The following CYP2C19 variants were observed in gnomAD, a reference collection of about 807,000 sequenced individuals.
CYP2C19 encodes the protein cytochrome P450 family 2 subfamily C member 19.
CYP2C19 carries 59 observed loss-of-function variants against 40.9 expected under a neutral mutation model. The ratio of observed to expected loss-of-function variants is 1.44; its 90% CI spans 1.17 to 1.79. The LOEUF (loss-of-function observed/expected upper bound fraction) is 1.79. Ranked by LOEUF, CYP2C19 falls within the 40% of genes most tolerant of loss-of-function variation. The pLI, the probability that CYP2C19 is intolerant of heterozygous loss-of-function variation, is 0.00. For synonymous variants in CYP2C19, 253 were observed against 208.7 expected, an observed-to-expected ratio of 1.21 and a Z score of -1.83; for missense variants, 754 against 596.9, an observed-to-expected ratio of 1.26 and a Z score of -2.74.
In CYP2C19 at chr10:94,854,094, C is replaced by T. The variant is rs184709061; in HGVS notation, c.*1180C>T. ...AGTGCAATGGTGCGATCTCGGCTCA[C>T]TGCAATCTCCACCTCCTGGATTCAA... is the stretch of plus-strand genomic sequence containing the variant. On this transcript the variant is annotated 3_prime_UTR_variant, in exon 9 of 9. Transcript: ENST00000371321. Among the ~76,000 whole-genome samples the T allele has an allele frequency of 3.6e-3, 513 of 144,214 alleles. 2 individuals carry two copies. The highest frequency in any genetic ancestry group is 0.013 in the African/African-American group (497 of 38,822). 94.6% of individuals were successfully genotyped at this position (144,214 alleles called of 152,430 possible).
intron 5 of CYP2C19, among the ~76,000 whole-genome samples, chr10:94,802,257 T>C (rs939224194): frequency 2.0e-5 from 3 of 152,186 alleles, no homozygotes; most frequent in Non-Finnish European, 4.4e-5. Flanking sequence ...TACAATCCTT[T>C]TGTAAAACAG....
intron 1 of CYP2C19, among the ~76,000 whole-genome samples, chr10:94,771,222 G>A (rs1284590665): frequency 6.6e-6 from 1 of 152,032 alleles, no homozygotes; most frequent in Non-Finnish European, 1.5e-5. Flanking sequence ...GATAGCCCGG[G>A]GTTTTTTGTG....
At chr10:94,821,428 G>A (rs1379862914) in intron 6 of CYP2C19, among the ~76,000 whole-genome samples, 1 of 152,122 alleles carries the variant, frequency 6.6e-6, no homozygotes, top group Non-Finnish European at 1.5e-5. Flanking sequence ...ATGTAGTGAG[G>A]CTGCCTGAAA....
chr10:94,814,118 T>A (rs1029760536), intron 5 of CYP2C19, among the ~76,000 whole-genome samples: 1 of 151,242 alleles, frequency 6.6e-6, no homozygotes, highest in Non-Finnish European at 1.5e-5. Flanking sequence ...CTGCACCTAC[T>A]GTCTAAACAT....
At chr10:94,797,581 A>C (rs1848706935) in intron 5 of CYP2C19, among the ~76,000 whole-genome samples, 1 of 151,562 alleles carries the variant, frequency 6.6e-6, no homozygotes, top group Admixed American at 6.6e-5. Flanking sequence ...TCCTCTTGGT[A>C]CCTCTGGTAG....
chr10:94,763,879 C>A (rs988847473), intron 1 of CYP2C19, among the ~76,000 whole-genome samples: 1 of 152,026 alleles, frequency 6.6e-6, no homozygotes, highest in Non-Finnish European at 1.5e-5. Flanking sequence ...GATATTGTGC[C>A]AGAGTTTGTT....
chr10:94,850,128 T>A, intron 8 of CYP2C19, 70 bp downstream of exon 8: 1 of 1,554,724 alleles, frequency 6.4e-7, no homozygotes, highest in Non-Finnish European at 8.9e-7. Flanking sequence ...GGAACTTACA[T>A]GTGCCTTCTC....
intron 6 of CYP2C19, among the ~76,000 whole-genome samples, chr10:94,828,840 T>G (rs58532220): frequency 0.012 from 1,836 of 151,786 alleles, 55 homozygotes; most frequent in African/African-American, 0.043. Flanking sequence ...CCTTCAGGAG[T>G]TCTTGTAAGG....
intron 5 of CYP2C19, among the ~76,000 whole-genome samples, chr10:94,799,177 A>G (rs560755753): frequency 6.6e-6 from 1 of 151,780 alleles, no homozygotes; most frequent in South Asian, 2.1e-4. Context: ...TTCCTTCAGG[A>G]GCTCTTGTAA....
At chr10:94,844,363 T>G (rs1849541842) in intron 7 of CYP2C19, among the ~76,000 whole-genome samples, 1 of 152,198 alleles carries the variant, frequency 6.6e-6, no homozygotes, top group African/African-American at 2.4e-5. Context: ...TTGTACATAA[T>G]GTGAACCCAG....
intron 5 of CYP2C19, among the ~76,000 whole-genome samples, chr10:94,795,026 T>G (rs968944818): frequency 1.3e-5 from 2 of 151,918 alleles, no homozygotes; most frequent in African/African-American, 4.8e-5. Flanking sequence ...TTTTTATACT[T>G]TAAGTTGTAG....
chr10:94,782,570 G>T (rs1282905409), intron 5 of CYP2C19, among the ~76,000 whole-genome samples: 2 of 152,084 alleles, frequency 1.3e-5, no homozygotes, highest in South Asian at 4.1e-4. Context: ...CAAGGATCTA[G>T]AACTAGAAAT....
At chr10:94,835,864 A>G (rs1034778196) in intron 6 of CYP2C19, among the ~76,000 whole-genome samples, 4 of 152,092 alleles carry the variant, frequency 2.6e-5, no homozygotes, top group African/African-American at 9.7e-5. Context: ...TGGTGTGAGG[A>G]GATTACTTTC....
intron 5 of CYP2C19, among the ~76,000 whole-genome samples, chr10:94,812,099 G>A (rs756307159): frequency 6.6e-6 from 1 of 152,156 alleles, no homozygotes; most frequent in South Asian, 2.1e-4. Flanking sequence ...GCATTTGCTT[G>A]TCTGTAAAGG....
chr10:94,796,165 T>G (rs1848683159), intron 5 of CYP2C19, among the ~76,000 whole-genome samples: 1 of 152,184 alleles, frequency 6.6e-6, no homozygotes, highest in Non-Finnish European at 1.5e-5. Flanking sequence ...CATCTTGAAT[T>G]AATTTTTGTA....
At chr10:94,822,791 C>T (rs758647810) in intron 6 of CYP2C19, among the ~76,000 whole-genome samples, 13 of 151,908 alleles carry the variant, frequency 8.6e-5, no homozygotes, top group Admixed American at 1.3e-4. Flanking sequence ...TGAGATGGTA[C>T]CTCCTTGTGA....
At position 94,854,139 on chromosome 10, in the gene CYP2C19, C is replaced by A. The variant is rs889117388; in HGVS notation, c.*1225C>A. Among the ~76,000 whole-genome samples the A allele has an allele frequency of 6.6e-6, 1 of 151,944 alleles. No homozygotes were observed. The highest frequency in any genetic ancestry group is 2.4e-5 in the African/African-American group (1 of 41,362). On this transcript the variant is annotated 3_prime_UTR_variant, in exon 9 of 9. Coordinates refer to ENST00000371321, the MANE Select transcript of CYP2C19 (RefSeq NM_000769.4). Reference sequence around the variant, plus strand: ...ATTCAAGTGGTTCTCCTGCCTCAGCCCCCCAAGTAGCTGGGATTACAGGTG... The same window carrying A: ...ATTCAAGTGGTTCTCCTGCCTCAGCACCCCAAGTAGCTGGGATTACAGGTG...
chr10:94,818,361 T>C (rs1418431408), intron 5 of CYP2C19, among the ~76,000 whole-genome samples: 1 of 151,866 alleles, frequency 6.6e-6, no homozygotes, highest in African/African-American at 2.4e-5. Context: ...TAGGATTGAC[T>C]TGATGATGCG....
chr10:94,818,936 A>AT (rs1035589606), intron 5 of CYP2C19, among the ~76,000 whole-genome samples: 4 of 151,792 alleles, frequency 2.6e-5, no homozygotes, highest in African/African-American at 9.7e-5. Context: ...CAGAATATAC[A>AT]TTTTTTTCAG....
Sources: gnomAD v4.1 joint callset for allele counts (sites outside exome capture counted in the v4.1 genomes callset) on GRCh38, gnomAD v4.1.1 for gene constraint, MANE v1.5 for transcripts, NCBI Gene and HGNC (gene_info 2026-07-23, HGNC 2026-07-21) for gene names.